DNAH12: variants seen among roughly 807,000 people sequenced by gnomAD.
DNAH12 encodes dynein axonemal heavy chain 12, also known as axonemal beta dynein heavy chain 12.
A neutral mutation model predicts 371.5 loss-of-function variants in DNAH12; 285 were observed. That is an observed-to-expected ratio of 0.77 (90% CI 0.70 to 0.85). DNAH12 has a LOEUF of 0.85. DNAH12 is among the 40% of genes least tolerant of loss of function. The pLI, the probability that DNAH12 is intolerant of heterozygous loss-of-function variation, is 0.00. For missense variants in DNAH12, 3,611 were observed against 3,689.4 expected (o/e 0.98, Z 0.55); for synonymous variants, 1,200 against 1,213.0 (o/e 0.99, Z 0.22).
Position 57,296,455 on chromosome 3 carries a change from C to A in DNAH12, c.11533-20G>T. The A allele has an allele frequency of 6.6e-7, 1 of 1,518,526 alleles. No individual in the cohort carries two copies. Among genetic ancestry groups the A allele is most frequent in the South Asian group, 1.2e-5 (1 of 82,464 alleles). 94.1% of individuals were successfully genotyped at this position (1,518,526 alleles called of 1,614,324 possible). On this transcript the variant is annotated intron_variant, in intron 71 of 73. Coordinates refer to ENST00000495027, the MANE Select transcript of DNAH12 (RefSeq NM_001366028.2). The stretch of plus-strand genomic sequence containing the variant: ...GATAACCTGAAGGGATAGGCACACA[C>A]TAGCAGTGATCCTCTCCAGACAACT...
intron 2 of DNAH12, among the ~76,000 whole-genome samples, chr3:57,535,356 A>G (rs1040070733): frequency 6.6e-6 from 1 of 152,122 alleles, no homozygotes; most frequent in African/African-American, 2.4e-5. Context: ...GCTCATTATC[A>G]TTGGAATGGC....
chr3:57,377,366 T>C (rs1229344511), intron 52 of DNAH12, 144 bp from the exon 53 acceptor site: 1 of 152,066 alleles, frequency 6.6e-6, no homozygotes, highest in Non-Finnish European at 1.5e-5. Context: ...TGTTTTCACA[T>C]ACAAAGTAAA....
At position 57,447,371 on chromosome 3, in the gene DNAH12, GA is replaced by G. The variant is rs1348616967; in HGVS notation, c.3787-683del. On this transcript the variant is annotated intron_variant, in intron 25 of 73. Coordinates refer to ENST00000495027, the MANE Select transcript of DNAH12 (RefSeq NM_001366028.2). ...CTGGAATAGTGGCTGGAAATTTTTA[GA>G]AACATAAATTACAGTCAGCTCTAAC... Among the ~76,000 whole-genome samples, 13 of 152,068 alleles carry G rather than the reference GA, an allele frequency of 8.5e-5. No individual in the cohort carries two copies. The East Asian group carries it at 2.5e-3, about 29-fold the overall frequency.
intron 60 of DNAH12, among the ~76,000 whole-genome samples, chr3:57,343,805 G>A (rs1276919313): frequency 6.6e-6 from 1 of 152,194 alleles, no homozygotes; most frequent in African/African-American, 2.4e-5. Flanking sequence ...GGTGGGAGGC[G>A]AGACATGTTT....
At chr3:57,387,706 C>T (rs905777486) in intron 45 of DNAH12, among the ~76,000 whole-genome samples, 276 of 152,258 alleles carry the variant, frequency 1.8e-3, no homozygotes, top group African/African-American at 6.5e-3. Context: ...GTGGAGACTT[C>T]AGGGAAGACT....
intron 43 of DNAH12, among the ~76,000 whole-genome samples, chr3:57,396,278 C>CA (rs1191377249): frequency 0.56 from 56,484 of 100,128 alleles, 14,380 homozygotes; most frequent in East Asian, 0.73. Context: ...GACTGCATCT[C>CA]AAAAAAAAAA....
chr3:57,448,611 A>T (rs1329890757), intron 25 of DNAH12, among the ~76,000 whole-genome samples: 1 of 152,190 alleles, frequency 6.6e-6, no homozygotes, highest in Non-Finnish European at 1.5e-5. Flanking sequence ...ATAGAACCCG[A>T]CCATGTTGCC....
chr3:57,399,982 T>C (rs1279814391), intron 43 of DNAH12, among the ~76,000 whole-genome samples: 15 of 152,166 alleles, frequency 9.9e-5, no homozygotes, highest in African/African-American at 3.6e-4. Flanking sequence ...TAGTTATGTT[T>C]TGGGGGAGTC....
chr3:57,394,483 C>T (rs1057019419), intron 43 of DNAH12, among the ~76,000 whole-genome samples, 151 bp from the exon 44 acceptor site: 10 of 152,206 alleles, frequency 6.6e-5, no homozygotes, highest in Non-Finnish European at 1.5e-4. Flanking sequence ...GGGACCTCCA[C>T]TGCCTCCGTC....
intron 34 of DNAH12, among the ~76,000 whole-genome samples, chr3:57,425,418 T>TTC (rs1181669787): frequency 6.6e-6 from 1 of 151,550 alleles, no homozygotes; most frequent in Non-Finnish European, 1.5e-5. Flanking sequence ...ATTTTTTTTT[T>TTC]TCCCAGATAG....
chr3:57,469,022 G>A lies in DNAH12; in HGVS notation c.2106-43C>T, dbSNP rs956218750. 3 of 1,493,060 alleles carry A rather than the reference G, an allele frequency of 2.0e-6. No individual in the cohort carries two copies. In the African/African-American group the frequency reaches 4.3e-5, roughly 21 times the overall value. 92.5% of individuals were successfully genotyped at this position (1,493,060 alleles called of 1,614,324 possible). A position where few individuals can be genotyped will look rare whatever the true frequency, so the allele number is the denominator to read the frequency against. The stretch of plus-strand genomic sequence containing the variant: ...ATATTATTAAACTCAGACTTTTGAA[G>A]TTTGAAGGGGCCTTAGAGATCCTTT... On this transcript the variant is annotated intron_variant, in intron 16 of 73. Transcript: ENST00000495027.
chr3:57,310,542 AAAT>A (rs2061563394), intron 67 of DNAH12, among the ~76,000 whole-genome samples, 172 bp downstream of exon 67: 1 of 152,228 alleles, frequency 6.6e-6, no homozygotes. Flanking sequence ...AATCAACATC[AAAT>A]AATGGAATAC....
chr3:57,381,892 A>C (rs1251459096), intron 50 of DNAH12, among the ~76,000 whole-genome samples: 2 of 150,252 alleles, frequency 1.3e-5, no homozygotes, highest in Non-Finnish European at 3.0e-5. Flanking sequence ...TTTTTAGCTG[A>C]AGTCTCACTT....
At chr3:57,370,668 C>T (rs985322460) in intron 55 of DNAH12, among the ~76,000 whole-genome samples, 4 of 152,164 alleles carry the variant, frequency 2.6e-5, no homozygotes, top group African/African-American at 4.8e-5. Context: ...ATTTTAAATG[C>T]ACAGGTTAAT....
At chr3:57,344,051 C>CA (rs2062476801) in intron 60 of DNAH12, among the ~76,000 whole-genome samples, 1 of 152,226 alleles carries the variant, frequency 6.6e-6, no homozygotes, top group South Asian at 2.1e-4. Flanking sequence ...TGAGGGAACT[C>CA]AGAGGTCGAT....
intron 34 of DNAH12, chr3:57,428,432 T>C (rs1039945587): frequency 3.3e-6 from 5 of 1,523,716 alleles, no homozygotes; most frequent in Non-Finnish European, 2.6e-6. Flanking sequence ...ACTATGGTTG[T>C]ATACAAATAG....
Position 57,483,456 on chromosome 3 carries a change from T to C in DNAH12, c.1570A>G (p.Thr524Ala). The C allele has an allele frequency of 1.3e-6, 2 of 1,551,544 alleles. No homozygotes were observed. The highest frequency in any genetic ancestry group is 1.7e-6 in the Non-Finnish European group (2 of 1,146,894). ...KEHALKVPET[T>A]EEMMDLISYV... Reference sequence around the variant, plus strand: ...GATATCAGATCCATCATCTCTTCTGTTGTTTCAGGGACTTTTAATGCATGT... The same window carrying C: ...GATATCAGATCCATCATCTCTTCTGCTGTTTCAGGGACTTTTAATGCATGT... The change falls in exon 13 of 74, where the codon ACA (threonine) becomes GCA (alanine). Residue 524 changes from threonine to alanine, a missense_variant. By Grantham distance (58) the Thr-to-Ala change is moderately conservative. Coordinates refer to ENST00000495027, the MANE Select transcript of DNAH12 (RefSeq NM_001366028.2).
intron 2 of DNAH12, among the ~76,000 whole-genome samples, chr3:57,540,287 G>A (rs1371706440): frequency 6.6e-6 from 1 of 152,034 alleles, no homozygotes; most frequent in Non-Finnish European, 1.5e-5. Context: ...CTGACCTCAG[G>A]TGATTCACCT....
chr3:57,412,955 G>A (rs374416322), intron 39 of DNAH12, among the ~76,000 whole-genome samples: 2 of 152,272 alleles, frequency 1.3e-5, no homozygotes, highest in African/African-American at 2.4e-5. Context: ...CAAAGAAGTT[G>A]ACAACTTATG....
Sources: allele counts gnomAD v4.1 joint callset (sites outside exome capture counted in the v4.1 genomes callset), GRCh38; gene constraint gnomAD v4.1.1; transcripts MANE v1.5; gene names NCBI Gene and HGNC (gene_info 2026-07-23, HGNC 2026-07-21).